Variants in LUC7L2 observed in about 807,000 individuals in gnomAD.
LUC7L2 encodes the protein LUC7 like 2, pre-mRNA splicing factor.
Under a neutral mutation model 52.8 loss-of-function variants are expected in LUC7L2, and 25 were observed. The ratio of observed to expected loss-of-function variants is 0.47; its 90% CI spans 0.34 to 0.66. The LOEUF (loss-of-function observed/expected upper bound fraction) is 0.66. Ranked by LOEUF, LUC7L2 falls within the 30% of genes least tolerant of loss-of-function variation. The pLI, the probability that LUC7L2 is intolerant of heterozygous loss-of-function variation, is 0.01. For synonymous variants in LUC7L2, 144 were observed against 160.9 expected, an observed-to-expected ratio of 0.89 and a Z score of 0.80; for missense variants, 328 against 497.8, an observed-to-expected ratio of 0.66 and a Z score of 3.25.
At chr7:139,341,761 A>T (rs1798989343) in intron 1 of LUC7L2, among the ~76,000 whole-genome samples, 1 of 152,154 alleles carries the variant, frequency 6.6e-6, no homozygotes, top group South Asian at 2.1e-4. Context: ...CCTGTCCTGC[A>T]GAGGGGCGGA....
intron 1 of LUC7L2, among the ~76,000 whole-genome samples, chr7:139,371,710 A>C (rs1461514392): frequency 1.3e-5 from 2 of 152,198 alleles, no homozygotes; most frequent in Non-Finnish European, 2.9e-5. Context: ...AGTGTTGGGA[A>C]TGACAGTGGG....
chr7:139,364,489 TTAAC>T (rs1277986641), intron 1 of LUC7L2, among the ~76,000 whole-genome samples: 2 of 152,246 alleles, frequency 1.3e-5, no homozygotes, highest in Non-Finnish European at 2.9e-5. Context: ...TTCAATAATT[TTAAC>T]TATTTTAAAT....
At chr7:139,415,054 G>GT (rs1171809951) in intron 8 of LUC7L2, among the ~76,000 whole-genome samples, 7,282 of 53,438 alleles carry the variant, frequency 0.14, 962 homozygotes, top group Non-Finnish European at 0.17. Flanking sequence ...GCCCTGCTAA[G>GT]TTTTTTTTTT....
intron 2 of LUC7L2, among the ~76,000 whole-genome samples, chr7:139,389,191 C>G (rs750604990): frequency 3.3e-5 from 5 of 151,884 alleles, no homozygotes; most frequent in African/African-American, 1.2e-4. Context: ...TTCTTCTGGT[C>G]AATCCATCTA....
At chr7:139,350,863 A>G (rs1039967522) in intron 1 of LUC7L2, among the ~76,000 whole-genome samples, 8 of 151,834 alleles carry the variant, frequency 5.3e-5, no homozygotes, top group African/African-American at 1.9e-4. Flanking sequence ...TTTAGTAGAG[A>G]TGGGGTTTCA....
In LUC7L2 at chr7:139,422,893, G is replaced by T. The variant is rs1040830706; in HGVS notation, c.*553G>T. The T allele has an allele frequency of 3.3e-5, 13 of 398,804 alleles. No individual in the cohort carries two copies. The highest frequency in any genetic ancestry group is 1.0e-4 in the African/African-American group (5 of 48,588). The allele number at this position is 398,804 out of a possible 1,614,324, so 24.7% of individuals were successfully genotyped here. A position where few individuals can be genotyped will look rare whatever the true frequency, so the allele number is the denominator to read the frequency against. ...TGCTGGAGAAATTTAAAATACTGGG[G>T]TTTTTTGTTTAATGGTGCCTATTTA... On this transcript the variant is annotated 3_prime_UTR_variant, in exon 10 of 10. Transcript: ENST00000354926.
chr7:139,419,141 AC>A lies in LUC7L2; in HGVS notation c.1001+1413del, dbSNP rs1322880936. Among the ~76,000 whole-genome samples the A allele has an allele frequency of 6.2e-3, 937 of 151,986 alleles. 30 individuals are homozygous for A. Among genetic ancestry groups the A allele is most frequent in the Admixed American group, 0.057 (860 of 15,196 alleles). On this transcript the variant is annotated intron_variant, in intron 9 of 9. Coordinates refer to ENST00000354926, the MANE Select transcript of LUC7L2 (RefSeq NM_016019.5). ...CAAAAAAAAACAAACAAAAAAAAAA[AC>A]AAAAAGTCTCCTATGTGAGTTAGAA...
intron 2 of LUC7L2, among the ~76,000 whole-genome samples, chr7:139,386,992 C>T (rs1794230917): frequency 6.6e-6 from 1 of 152,046 alleles, no homozygotes; most frequent in Non-Finnish European, 1.5e-5. Flanking sequence ...GCACGTGCCA[C>T]CATGCCCGGC....
chr7:139,389,790 TCCTC>T (rs1217019635), intron 2 of LUC7L2, among the ~76,000 whole-genome samples: 2 of 152,170 alleles, frequency 1.3e-5, no homozygotes, highest in African/African-American at 4.8e-5. Flanking sequence ...AAGACTATGT[TCCTC>T]CCTCATTGAG....
chr7:139,343,483 A>G (rs188999387), intron 1 of LUC7L2, among the ~76,000 whole-genome samples: 2 of 152,278 alleles, frequency 1.3e-5, no homozygotes, highest in Admixed American at 6.5e-5. Context: ...AGCTGAGGTG[A>G]GAGGATCACT....
upstream of LUC7L2, among the ~76,000 whole-genome samples, chr7:139,356,893 C>T (rs982118689): frequency 4.0e-5 from 6 of 151,874 alleles, no homozygotes; most frequent in Admixed American, 1.3e-4. Context: ...CAGAGATTTC[C>T]GAAGGAATGA....
intron 9 of LUC7L2, among the ~76,000 whole-genome samples, chr7:139,420,766 A>G (rs1795865467): frequency 6.6e-6 from 1 of 152,010 alleles, no homozygotes; most frequent in South Asian, 2.1e-4. Flanking sequence ...GGATAGGACT[A>G]GTGTAGACGT....
intron 1 of LUC7L2, among the ~76,000 whole-genome samples, chr7:139,369,267 T>G (rs368666196): frequency 6.6e-6 from 1 of 152,246 alleles, no homozygotes; most frequent in African/African-American, 2.4e-5. Context: ...TATCAAAATA[T>G]AAAATTTAGC....
At chr7:139,414,771 C>T (rs1156858621) in intron 8 of LUC7L2, among the ~76,000 whole-genome samples, 1 of 152,222 alleles carries the variant, frequency 6.6e-6, no homozygotes, top group Admixed American at 6.5e-5. Context: ...GACTGATTCA[C>T]TTGTTCCCTT....
At chr7:139,416,099 C>G (rs1208166124) in intron 8 of LUC7L2, 1 of 97,238 alleles carries the variant, frequency 1.0e-5, no homozygotes, top group African/African-American at 4.1e-5. Flanking sequence ...ATGATTTACT[C>G]TGAAGTCAGT....
chr7:139,394,038 G>A (rs908556721), intron 2 of LUC7L2, among the ~76,000 whole-genome samples: 7 of 152,106 alleles, frequency 4.6e-5, no homozygotes, highest in African/African-American at 7.2e-5. Flanking sequence ...CCCAGAAAGT[G>A]ACAAGCCCAA....
intron 8 of LUC7L2, among the ~76,000 whole-genome samples, chr7:139,414,149 TCATTCTATTTTTCACAC>T (rs1433600872): frequency 6.6e-6 from 1 of 152,180 alleles, no homozygotes; most frequent in Non-Finnish European, 1.5e-5. Context: ...CTTCTTCACC[TCATTCTATTTTTCACAC>T]GTCAGCCAGG....
chr7:139,358,457 T>A (rs968621583), upstream of LUC7L2, among the ~76,000 whole-genome samples: 3 of 150,312 alleles, frequency 2.0e-5, no homozygotes, highest in African/African-American at 7.5e-5. Context: ...GAAGTGCCTG[T>A]CTTCTTAAAC....
At position 139,368,343 on chromosome 7, in the gene LUC7L2, G is replaced by A. The variant is rs115430089; in HGVS notation, c.62-7719G>A. Among the ~76,000 whole-genome samples, 1,465 of 152,298 alleles carry A rather than the reference G, an allele frequency of 9.6e-3. 28 individuals are homozygous for A. Among genetic ancestry groups the A allele is most frequent in the African/African-American group, 0.033 (1,368 of 41,562 alleles). On this transcript the variant is annotated intron_variant, in intron 1 of 9. Transcript: ENST00000354926. The stretch of plus-strand genomic sequence containing the variant: ...AATAAGTTCTGTGATAGTGATTATA[G>A]GTGTCTGCATTTAAAAAAATGTTTT...
Sources: allele counts gnomAD v4.1 joint callset (sites outside exome capture counted in the v4.1 genomes callset), GRCh38; gene constraint gnomAD v4.1.1; transcripts MANE v1.5; gene names NCBI Gene and HGNC (gene_info 2026-07-23, HGNC 2026-07-21).